The following TTC12 variants were observed in gnomAD, a reference collection of about 807,000 sequenced individuals.
TTC12 encodes tetratricopeptide repeat protein 12.
Under a neutral mutation model 90.1 loss-of-function variants are expected in TTC12, and 70 were observed. That is an observed-to-expected ratio of 0.78 (90% confidence interval 0.64 to 0.95). TTC12 has a LOEUF of 0.95. Ranked by LOEUF, TTC12 falls within the 40% of genes least tolerant of loss-of-function variation. TTC12 has a pLI of 0.00. For missense variants in TTC12, 819 were observed against 846.1 expected, an observed-to-expected ratio of 0.97 and a Z score of 0.40; for synonymous variants, 296 against 311.5, an observed-to-expected ratio of 0.95 and a Z score of 0.53.
intron 6 of TTC12, among the ~76,000 whole-genome samples, chr11:113,328,817 AC>A (rs1465805851): frequency 6.6e-6 from 1 of 152,172 alleles, no homozygotes; most frequent in Non-Finnish European, 1.5e-5. Flanking sequence ...CAAGATAATC[AC>A]CAATCTACTT....
In TTC12 at chr11:113,339,269, C is replaced by T; in HGVS notation, c.638-17C>T. On this transcript the variant is annotated splice_polypyrimidine_tract_variant and intron_variant, in intron 9 of 21. Coordinates refer to ENST00000529221, the MANE Select transcript of TTC12 (RefSeq NM_017868.4). ...ATTGTTAGGGTTTTGTTTTGCTTTCCTTTCTTGTTTTTCTAGGTTACCTGA... is the reference window on the plus strand; with the variant it reads ...ATTGTTAGGGTTTTGTTTTGCTTTCTTTTCTTGTTTTTCTAGGTTACCTGA... 6.3e-7 allele frequency: 1 copy of T among 1,581,516 alleles called. No homozygotes were observed. The highest frequency in any genetic ancestry group is 1.1e-5 in the South Asian group (1 of 87,038).
chr11:113,354,157 C>G (rs1949484646), intron 16 of TTC12, among the ~76,000 whole-genome samples: 1 of 152,014 alleles, frequency 6.6e-6, no homozygotes, highest in South Asian at 2.1e-4. Context: ...TTTTGTAGTT[C>G]TTCTTGTGGA....
intron 12 of TTC12, 36 bp from the exon 13 acceptor site, chr11:113,344,236 G>T: frequency 6.3e-7 from 1 of 1,582,712 alleles, no homozygotes; most frequent in Non-Finnish European, 8.6e-7. Context: ...TTGCCATGAT[G>T]GCATGCACAA....
intron 16 of TTC12, among the ~76,000 whole-genome samples, chr11:113,355,845 G>A (rs556293309): frequency 1.3e-5 from 2 of 152,244 alleles, no homozygotes; most frequent in South Asian, 4.1e-4. Context: ...CATTTGCTAA[G>A]GACTATTTTA....
At chr11:113,325,839 T>C in intron 6 of TTC12, 194 bp downstream of exon 6, 2 of 661,244 alleles carry the variant, frequency 3.0e-6, no homozygotes, top group Non-Finnish European at 4.9e-6. Context: ...CACCATGATC[T>C]AATTTGGAAT....
At position 113,362,504 on chromosome 11, in the gene TTC12, T is replaced by G. The variant is rs1555155677; in HGVS notation, c.1716+2T>G. On this transcript the variant is annotated splice_donor_variant, in intron 19 of 21. Transcript: ENST00000529221. LOFTEE classifies it high-confidence loss of function. Reference sequence around the variant, plus strand: ...AAGAAAATGATGAAATTCCTGAAGGTAAGATCACTTTATTGGTTACAACCC... The same window carrying G: ...AAGAAAATGATGAAATTCCTGAAGGGAAGATCACTTTATTGGTTACAACCC... 1 of 1,591,342 alleles carries G rather than the reference T, an allele frequency of 6.3e-7. No homozygotes were observed. The highest frequency in any genetic ancestry group is 1.7e-5 in the Admixed American group (1 of 59,992).
chr11:113,322,778 G>A (rs1947421749), intron 2 of TTC12, among the ~76,000 whole-genome samples: 1 of 152,126 alleles, frequency 6.6e-6, no homozygotes, highest in African/African-American at 2.4e-5. Flanking sequence ...CAGGGCAAGG[G>A]AGTTGAGTAT....
intron 2 of TTC12, 70 bp downstream of exon 2, chr11:113,316,385 T>C: frequency 1.3e-6 from 1 of 747,084 alleles, no homozygotes; most frequent in Non-Finnish European, 2.0e-6. Context: ...TTGCTCTAAG[T>C]TCCTGGGTGG....
chr11:113,366,225 AT>A lies in TTC12; in HGVS notation c.2046del (p.Phe682LeufsTer5). On this transcript the variant is annotated frameshift_variant and splice_region_variant, in exon 22 of 22. Transcript: ENST00000529221. LOFTEE classifies it high-confidence loss of function. ...GGGTTGTTTGTTTTGATTGTGACAG[AT>A]TTGCTGCTCAACTGAGAAAGCTTCA... is the stretch of plus-strand genomic sequence containing the variant. Reference protein sequence around the residue: ...LGKLCTAEPRFAAQLRKLHGL... With the variant: ...LGKLCTAEPRXAAQLRKLHGL... 1 of 1,613,054 alleles carries A rather than the reference AT, an allele frequency of 6.2e-7. No individual in the cohort carries two copies. The highest frequency in any genetic ancestry group is 1.3e-5 in the African/African-American group (1 of 75,026).
At chr11:113,335,359 G>A (rs1223300450) in intron 8 of TTC12, among the ~76,000 whole-genome samples, 1 of 152,100 alleles carries the variant, frequency 6.6e-6, no homozygotes. Context: ...CAGTCAACCT[G>A]TCTATCTACC....
chr11:113,370,495 A>C (rs1950352354), downstream of TTC12, among the ~76,000 whole-genome samples: 2 of 152,194 alleles, frequency 1.3e-5, no homozygotes, highest in Admixed American at 6.5e-5. Context: ...TGTGACCTGA[A>C]GCTGCTGGAT....
downstream of TTC12, among the ~76,000 whole-genome samples, chr11:113,369,938 A>T (rs1227908096): frequency 6.6e-6 from 1 of 152,128 alleles, no homozygotes; most frequent in Non-Finnish European, 1.5e-5. Flanking sequence ...GCAAGCATGT[A>T]TTTGGCTCTG....
chr11:113,332,938 G>A (rs1591546459), intron 7 of TTC12, among the ~76,000 whole-genome samples: 1 of 152,072 alleles, frequency 6.6e-6, no homozygotes, highest in African/African-American at 2.4e-5. Flanking sequence ...GTTGATGCTG[G>A]TCAGATCTTT....
In TTC12 at chr11:113,323,279, CT is replaced by C; in HGVS notation, c.59-7del. ...TGTTTGATTAAGTCACACCTGATTT[CT>C]TCTCTAGCCAATTTAATTCAGGAGA... On this transcript the variant is annotated splice_region_variant and splice_polypyrimidine_tract_variant and intron_variant, in intron 2 of 21. Transcript: ENST00000529221. 4 of 1,586,786 alleles carry C rather than the reference CT, an allele frequency of 2.5e-6. No homozygotes were observed. The highest frequency in any genetic ancestry group is 3.4e-6 in the Non-Finnish European group (4 of 1,169,402).
At chr11:113,351,936 AG>A in intron 15 of TTC12, 133 bp from the exon 16 acceptor site, 1 of 1,044,932 alleles carries the variant, frequency 9.6e-7, no homozygotes, top group East Asian at 2.7e-5. Flanking sequence ...GTGAGACCCC[AG>A]GGATGCCCCT....
intron 6 of TTC12, 51 bp from the exon 7 acceptor site, chr11:113,329,869 A>G (rs1947925925): frequency 6.7e-7 from 1 of 1,486,276 alleles, no homozygotes; most frequent in Non-Finnish European, 9.4e-7. Context: ...TGAACTGAAA[A>G]CTGCCTGATG....
In TTC12 at chr11:113,365,010, G is replaced by A. The variant is rs568217694; in HGVS notation, c.1992G>A (p.Val664=). 1.2e-6 allele frequency: 2 copies of A among 1,614,188 alleles called. No individual in the cohort carries two copies. The highest frequency in any genetic ancestry group is 4.5e-5 in the East Asian group (2 of 44,874). Residue 664 remains valine, a synonymous_variant, in exon 21 of 22, where the codon GTG becomes GTA. Coordinates refer to ENST00000529221, the MANE Select transcript of TTC12 (RefSeq NM_017868.4). ...GCAGTGACACACAGAAGACGGCCGT[G>A]CAGGTGAACGCAGGCATTGCTCTGG... ...LAGSDTQKTA[V]QVNAGIALGK... is the part of the protein sequence containing the mutation.
At chr11:113,344,144 T>C in intron 12 of TTC12, 128 bp from the exon 13 acceptor site, 1 of 1,111,330 alleles carries the variant, frequency 9.0e-7, no homozygotes, top group Non-Finnish European at 1.3e-6. Context: ...ATCCACACTC[T>C]TACACTTCAT....
At chr11:113,334,825 T>A in intron 7 of TTC12, 141 bp from the exon 8 acceptor site, 1 of 610,366 alleles carries the variant, frequency 1.6e-6, no homozygotes, top group Non-Finnish European at 2.9e-6. Context: ...TGGTCACAAA[T>A]GCATAAAAAA....
Sources: gnomAD v4.1 joint callset for allele counts (sites outside exome capture counted in the v4.1 genomes callset) on GRCh38, gnomAD v4.1.1 for gene constraint, MANE v1.5 for transcripts, NCBI Gene and HGNC (gene_info 2026-07-23, HGNC 2026-07-21) for gene names.